Variants in CLTC observed in about 807,000 individuals in gnomAD.
The protein encoded by CLTC is clathrin heavy chain.
In CLTC, 16 loss-of-function variants were observed where a neutral mutation model predicts 195.8. The ratio of observed to expected loss-of-function variants is 0.08; its 90% confidence interval spans 0.06 to 0.12. The LOEUF is 0.12. Among genes scored for constraint, CLTC ranks in the 10% least tolerant of loss-of-function variants. The probability of loss-of-function intolerance (pLI) is 1.00; values close to 1 mark genes in which losing one functional copy is unlikely to be tolerated. For synonymous variants in CLTC, 667 were observed against 689.4 expected (o/e 0.97, Z 0.51); for missense variants, 796 against 2,027.0 (o/e 0.39, Z 11.66).
In CLTC at chr17:59,695,778, GCCATCAGTTTTCC is replaced by G. The variant is rs1260916562; in HGVS notation, c.*1930_*1942del. 7 of 193,320 alleles carry G rather than the reference GCCATCAGTTTTCC, an allele frequency of 3.6e-5. No individual in the cohort carries two copies. In the East Asian group the frequency reaches 5.8e-4, roughly 16 times the overall value. The allele number at this position is 193,320 out of a possible 1,614,324, so 12.0% of individuals were successfully genotyped here. ...GCCCCTGCTTTGATTTGTGGGAGGT[GCCATCAGTTTTCC>G]CCACCACTGCTTTTGCACCCTCAGT... On this transcript the variant is annotated 3_prime_UTR_variant, in exon 32 of 32. Transcript: ENST00000269122.
intron 10 of CLTC, among the ~76,000 whole-genome samples, 193 bp from the exon 11 acceptor site, chr17:59,665,910 A>G (rs2032720084): frequency 2.6e-5 from 4 of 152,154 alleles, no homozygotes; most frequent in African/African-American, 9.7e-5. Flanking sequence ...CTGTTATGTA[A>G]TATCTTGAAA....
chr17:59,640,499 C>T (rs917398176), intron 1 of CLTC, among the ~76,000 whole-genome samples: 1 of 151,704 alleles, frequency 6.6e-6, no homozygotes, highest in Non-Finnish European at 1.5e-5. Context: ...CGGGTACAAG[C>T]GATTCTCCTG....
At chr17:59,646,946 A>G (rs2032211269) in intron 2 of CLTC, among the ~76,000 whole-genome samples, 1 of 152,194 alleles carries the variant, frequency 6.6e-6, no homozygotes, top group Non-Finnish European at 1.5e-5. Flanking sequence ...CACAAGATTT[A>G]TTTAGATGAG....
intron 1 of CLTC, among the ~76,000 whole-genome samples, chr17:59,626,631 G>C (rs1414816166): frequency 6.6e-6 from 1 of 152,136 alleles, no homozygotes; most frequent in Non-Finnish European, 1.5e-5. Context: ...TTAGAATGAG[G>C]CTGTTTCTCT....
At chr17:59,671,903 C>G (rs1039038750) in intron 14 of CLTC, among the ~76,000 whole-genome samples, 1 of 152,086 alleles carries the variant, frequency 6.6e-6, no homozygotes, top group Non-Finnish European at 1.5e-5. Flanking sequence ...ATTCCTACCC[C>G]ATTTTGCTTG....
At chr17:59,675,072 GC>G (rs2032935292) in intron 16 of CLTC, among the ~76,000 whole-genome samples, 2 of 151,922 alleles carry the variant, frequency 1.3e-5, no homozygotes, top group African/African-American at 4.8e-5. Flanking sequence ...CATTTTTTTG[GC>G]ATGTTTATAA....
chr17:59,668,690 A>G (rs575096246), intron 13 of CLTC, 87 bp from the exon 14 acceptor site: 6 of 1,145,534 alleles, frequency 5.2e-6, no homozygotes, highest in Admixed American at 5.8e-5. Context: ...GGAGTATTCA[A>G]TATAACAGTT....
rs144525604 is a variant in CLTC, at chr17:59,644,641, C to G, written c.250+158C>G. 4.8e-3 allele frequency: 3,033 copies of G among 628,056 alleles called. 61 individuals are homozygous for G. Among genetic ancestry groups the G allele is most frequent in the African/African-American group, 0.048 (2,603 of 54,028 alleles). 38.9% of individuals were successfully genotyped at this position (628,056 alleles called of 1,614,324 possible). On this transcript the variant is annotated intron_variant, in intron 2 of 31. Transcript: ENST00000269122. ...TCTTGGCTCACTGCAATCTCCACCC[C>G]CCAGGTTCAAGCGATTCTCTTGCCT...
chr17:59,656,298 A>G (rs967371559), intron 6 of CLTC: 1 of 295,664 alleles, frequency 3.4e-6, no homozygotes, highest in Non-Finnish European at 6.3e-6. Context: ...TGTCTCAGAG[A>G]AACTGGTTTA....
At chr17:59,663,210 A>G (rs977177619) in intron 8 of CLTC, among the ~76,000 whole-genome samples, 19 of 152,242 alleles carry the variant, frequency 1.2e-4, no homozygotes, top group African/African-American at 4.6e-4. Flanking sequence ...TAGGAAATGA[A>G]TTTCCAGATT....
In CLTC at chr17:59,673,772, G is replaced by A. The variant is rs2032905491; in HGVS notation, c.2418G>A (p.Lys806=). 8.6e-6 allele frequency: 10 copies of A among 1,162,176 alleles called. No individual in the cohort carries two copies. The highest frequency in any genetic ancestry group is 1.3e-5 in the Non-Finnish European group (10 of 774,438). 72.0% of individuals were successfully genotyped at this position (1,162,176 alleles called of 1,614,324 possible). The change falls in exon 15 of 32, where the codon AAG becomes AAA. Residue 806 remains lysine (K), a splice_region_variant and synonymous_variant. Transcript: ENST00000269122. ...AGTATATAGAGATATATGTACAGAA[G>A]GTAAGTAATATGTAGGTAATGTAAA... ...LQKYIEIYVQ[K]VNPSRLPVVI...
chr17:59,676,606 TC>T lies in CLTC; in HGVS notation c.2562-347del. Among the ~76,000 whole-genome samples, 3 of 152,350 alleles carry T rather than the reference TC, an allele frequency of 2.0e-5. No individual in the cohort carries two copies. The South Asian group carries it at 6.2e-4, about 32-fold the overall frequency. ...ATAGCCTTATATACCTTCTTTTTATTCTTGGACAACTCAATCATATTTTGAG... is the reference window on the plus strand; with the variant it reads ...ATAGCCTTATATACCTTCTTTTTATTTTGGACAACTCAATCATATTTTGAG... On this transcript the variant is annotated intron_variant, in intron 16 of 31. Transcript: ENST00000269122.
At chr17:59,633,707 A>G (rs1039882229) in intron 1 of CLTC, among the ~76,000 whole-genome samples, 17 of 152,146 alleles carry the variant, frequency 1.1e-4, no homozygotes, top group African/African-American at 3.9e-4. Context: ...GGTTGACAGA[A>G]TGTAACACTA....
chr17:59,643,151 G>A (rs1195776670), intron 1 of CLTC, among the ~76,000 whole-genome samples: 1 of 151,232 alleles, frequency 6.6e-6, no homozygotes, highest in Non-Finnish European at 1.5e-5. Flanking sequence ...GTGTGTGTGT[G>A]TGTGTGTGTG....
rs5821273 is a variant in CLTC, at chr17:59,629,518, A to ATTTT, written c.42+9362_42+9365dup. Among the ~76,000 whole-genome samples, 53 of 126,026 alleles carry ATTTT rather than the reference A, an allele frequency of 4.2e-4. 5 individuals are homozygous for ATTTT. Among genetic ancestry groups the ATTTT allele is most frequent in the South Asian group, 5.1e-4 (2 of 3,918 alleles). 82.7% of individuals were successfully genotyped at this position (126,026 alleles called of 152,430 possible). On this transcript the variant is annotated intron_variant, in intron 1 of 31. Transcript: ENST00000269122. The stretch of plus-strand genomic sequence containing the variant: ...TTCGGGCATGTTTCTAGAGATCATA[A>ATTTT]TTTTTTTTTTTTTTTTTTTTGAGAT...
Position 59,666,738 on chromosome 17 carries a change from C to T in CLTC, c.1948-59C>T. ...GGTACTAAATATTAATAATTTCATA[C>T]CACCATGAGGTTCAACATTATTTCA... On this transcript the variant is annotated intron_variant, in intron 12 of 31. Coordinates refer to ENST00000269122, the MANE Select transcript of CLTC (RefSeq NM_004859.4). This position sits in a 1 kb window ranked among gnomAD's most constrained non-coding sequence, Gnocchi z 4.9. 1 of 1,557,332 alleles carries T rather than the reference C, an allele frequency of 6.4e-7. No individual in the cohort carries two copies.
At chr17:59,680,030 A>C (rs2033050805) in intron 18 of CLTC, among the ~76,000 whole-genome samples, 1 of 152,116 alleles carries the variant, frequency 6.6e-6, no homozygotes. Flanking sequence ...CTGGGTGATA[A>C]GAGCAAGACT....
chr17:59,620,168 C>G lies in CLTC; in HGVS notation c.37C>G (p.Leu13Val). The G allele has an allele frequency of 6.2e-7, 1 of 1,614,084 alleles. No homozygotes were observed. The highest frequency in any genetic ancestry group is 8.5e-7 in the Non-Finnish European group (1 of 1,179,998). ...QILPIRFQEH[L>V]QLQNLGINPA... is the part of the protein sequence containing the mutation. ...TCTGCCAATTCGTTTTCAGGAGCAT[C>G]TCCAGGTGCGGCCGGGCCCGGGCTG... Residue 13 changes from leucine to valine, a missense_variant, in exon 1 of 32, where the codon CTC (leucine) becomes GTC (valine). By Grantham distance (32) the Leu-to-Val change is conservative. This residue lies in a region of CLTC where 24 missense variants were observed against 29.8 expected (regional missense o/e 0.81). Coordinates refer to ENST00000269122, the MANE Select transcript of CLTC (RefSeq NM_004859.4).
chr17:59,648,672 A>T lies in CLTC; in HGVS notation c.681+271A>T. The T allele has an allele frequency of 3.4e-6, 1 of 295,516 alleles. No individual in the cohort carries two copies. The highest frequency in any genetic ancestry group is 6.3e-6 in the Non-Finnish European group (1 of 158,278). 18.3% of individuals were successfully genotyped at this position (295,516 alleles called of 1,614,324 possible). A position where few individuals can be genotyped will look rare whatever the true frequency, so the allele number is the denominator to read the frequency against. On this transcript the variant is annotated intron_variant, in intron 4 of 31. Coordinates refer to ENST00000269122, the MANE Select transcript of CLTC (RefSeq NM_004859.4). This position sits in a 1 kb window ranked among gnomAD's most constrained non-coding sequence, Gnocchi z 4.5. Reference sequence around the variant, plus strand: ...GTACATCTAGAGAGTTTGATTTAGTAGGTGTTGCCTATAATTTTTTTTGTT... The same window carrying T: ...GTACATCTAGAGAGTTTGATTTAGTTGGTGTTGCCTATAATTTTTTTTGTT...
Sources: allele counts gnomAD v4.1 joint callset (sites outside exome capture counted in the v4.1 genomes callset), GRCh38; gene constraint gnomAD v4.1.1; regional missense constraint gnomAD v4.1.1; non-coding constraint Gnocchi (gnomAD v3.1); transcripts MANE v1.5; gene names NCBI Gene and HGNC (gene_info 2026-07-23, HGNC 2026-07-21).